MYO7B: variants seen among roughly 807,000 people sequenced by gnomAD.
MYO7B encodes myosin VIIB, also known as unconventional myosin-VIIb.
MYO7B carries 212 observed loss-of-function variants against 259.7 expected under a neutral mutation model. The observed-to-expected ratio is 0.82, with a 90% CI of 0.73 to 0.91. MYO7B has a LOEUF of 0.91. Ranked by LOEUF, MYO7B falls within the 40% of genes least tolerant of loss-of-function variation. The pLI, the probability that MYO7B is intolerant of heterozygous loss-of-function variation, is 0.00. For synonymous variants in MYO7B, 1,197 were observed against 1,166.4 expected (o/e 1.03, Z -0.54); for missense variants, 2,732 against 2,813.5 (o/e 0.97, Z 0.66).
At position 127,566,700 on chromosome 2, in the gene MYO7B, AC is replaced by A. The variant is rs1383681728; in HGVS notation, c.346del (p.Leu116TrpfsTer30). The A allele has an allele frequency of 1.2e-6, 2 of 1,608,528 alleles. No homozygotes were observed. The highest frequency in any genetic ancestry group is 2.7e-5 in the African/African-American group (2 of 74,876). ...CCCGTTCCAGGTGCTGCCGCTCTAC[AC>A]CCTGGAGCAGGTACAGCTCTACTAC... ...VNPFQVLPLYTLEQVQLYYSR... is the reference protein window; with the variant it reads ...VNPFQVLPLYXLEQVQLYYSR... On this transcript the variant is annotated frameshift_variant, in exon 5 of 48. Coordinates refer to ENST00000409816, the MANE Select transcript of MYO7B (RefSeq NM_001393586.1). LOFTEE classifies it high-confidence loss of function.
chr2:127,637,038 C>T (rs1009682238), intron 47 of MYO7B, 125 bp downstream of exon 47: 4 of 1,484,300 alleles, frequency 2.7e-6, no homozygotes, highest in Admixed American at 2.0e-5. Context: ...CAGGCGGGGC[C>T]AGCAGATCTG....
intron 19 of MYO7B, among the ~76,000 whole-genome samples, chr2:127,604,424 T>G (rs1015110049): frequency 6.6e-6 from 1 of 152,242 alleles, no homozygotes; most frequent in African/African-American, 2.4e-5. Context: ...TGGTTTGATC[T>G]TCTATCCAGT....
chr2:127,629,954 C>T (rs1004011777), intron 35 of MYO7B, 128 bp downstream of exon 35: 79 of 998,522 alleles, frequency 7.9e-5, no homozygotes, highest in East Asian at 5.8e-4. Flanking sequence ...GAGGGCCACC[C>T]GGGCAGCCCC....
At chr2:127,589,038 G>T (rs945754195) in intron 15 of MYO7B, among the ~76,000 whole-genome samples, 3 of 147,948 alleles carry the variant, frequency 2.0e-5, no homozygotes, top group Non-Finnish European at 3.0e-5. Context: ...TGGATGGATG[G>T]GTGGGTGAGT....
At chr2:127,626,207 A>T (rs962400818) in intron 31 of MYO7B, 3 of 152,430 alleles carry the variant, frequency 2.0e-5, no homozygotes, top group African/African-American at 4.8e-5. Context: ...GAAGACAAGG[A>T]GCTAGAGGTG....
At position 127,569,350 on chromosome 2, in the gene MYO7B, A is replaced by G. The variant is rs531004894; in HGVS notation, c.471-439A>G. 3.9e-5 allele frequency among the ~76,000 whole-genome samples: 6 copies of G among 152,338 alleles called. No individual in the cohort carries two copies. In the South Asian group the frequency reaches 1.2e-3, roughly 32 times the overall value. On this transcript the variant is annotated intron_variant, in intron 5 of 47. Coordinates refer to ENST00000409816, the MANE Select transcript of MYO7B (RefSeq NM_001393586.1). ...TGTGGGAGTCTGTTTTGCAAACTCC[A>G]AAGTGCAGGAATCCTCTGGGGATCT...
At chr2:127,612,785 A>T (rs1680437686) in intron 26 of MYO7B, among the ~76,000 whole-genome samples, 182 bp downstream of exon 26, 1 of 152,212 alleles carries the variant, frequency 6.6e-6, no homozygotes, top group South Asian at 2.1e-4. Context: ...TCTGCCTTTT[A>T]AAAAAGCCAT....
chr2:127,622,863 A>AG (rs1052739037), intron 28 of MYO7B, among the ~76,000 whole-genome samples: 1 of 152,230 alleles, frequency 6.6e-6, no homozygotes, highest in African/African-American at 2.4e-5. Flanking sequence ...GTCTTCTGTG[A>AG]GGTGAAGTCA....
chr2:127,559,845 A>G lies in MYO7B; in HGVS notation c.18+105A>G. On this transcript the variant is annotated intron_variant, in intron 2 of 47. Coordinates refer to ENST00000409816, the MANE Select transcript of MYO7B (RefSeq NM_001393586.1). This position sits in a 1 kb window ranked among gnomAD's most constrained non-coding sequence, Gnocchi z 4.1. ...AGGAAAGGCAATGAGACCCTATAGG[A>G]AAATACCAGAGACAGGGGAGTTTAG... is the stretch of plus-strand genomic sequence containing the variant. 3 of 1,311,722 alleles carry G rather than the reference A, an allele frequency of 2.3e-6. No individual in the cohort carries two copies. The highest frequency in any genetic ancestry group is 3.3e-6 in the Non-Finnish European group (3 of 905,954). The allele number at this position is 1,311,722 out of a possible 1,614,324, so 81.3% of individuals were successfully genotyped here.
At position 127,613,847 on chromosome 2, in the gene MYO7B, G is replaced by A. The variant is rs1414929881; in HGVS notation, c.3398+1244G>A. On this transcript the variant is annotated intron_variant, in intron 26 of 47. Transcript: ENST00000409816. The surrounding 1 kb of genome is among the most constrained non-coding windows in gnomAD (Gnocchi z 4.3). The stretch of plus-strand genomic sequence containing the variant: ...GCCTTGGCTAGAGTACCTGGAGTCT[G>A]CCCCACCATGTGTGTCAGGGGGCAA... Among the ~76,000 whole-genome samples the A allele has an allele frequency of 6.6e-6, 1 of 152,192 alleles. No individual in the cohort carries two copies.
At chr2:127,572,567 CCTTT>C (rs1186391888) in intron 6 of MYO7B, among the ~76,000 whole-genome samples, 8 of 148,352 alleles carry the variant, frequency 5.4e-5, no homozygotes, top group Non-Finnish European at 1.0e-4. Context: ...CTCCTTCCTT[CCTTT>C]CTTTTTCTCC....
intron 19 of MYO7B, among the ~76,000 whole-genome samples, chr2:127,601,336 T>C (rs1337906491): frequency 2.0e-5 from 3 of 152,236 alleles, no homozygotes; most frequent in African/African-American, 7.2e-5. Context: ...AATTAGATCT[T>C]GTTGGTTGAT....
At position 127,626,767 on chromosome 2, in the gene MYO7B, A is replaced by G. The variant is rs575366441; in HGVS notation, c.4216-208A>G. On this transcript the variant is annotated intron_variant, in intron 31 of 47. Coordinates refer to ENST00000409816, the MANE Select transcript of MYO7B (RefSeq NM_001393586.1). Reference sequence around the variant, plus strand: ...GCACTCCAGCCTGGGTGACAGAGCGAGACTCTGTCTCAAAAAAGAAAAAAA... The same window carrying G: ...GCACTCCAGCCTGGGTGACAGAGCGGGACTCTGTCTCAAAAAAGAAAAAAA... 3 of 525,308 alleles carry G rather than the reference A, an allele frequency of 5.7e-6. No homozygotes were observed. In the South Asian group the frequency reaches 6.5e-5, roughly 11 times the overall value. 32.5% of individuals were successfully genotyped at this position (525,308 alleles called of 1,614,324 possible). A position where few individuals can be genotyped will look rare whatever the true frequency, so the allele number is the denominator to read the frequency against.
chr2:127,556,686 T>C (rs1267158740), intron 1 of MYO7B, among the ~76,000 whole-genome samples: 1 of 152,214 alleles, frequency 6.6e-6, no homozygotes, highest in Non-Finnish European at 1.5e-5. Flanking sequence ...GGCTGATAAT[T>C]GTTTTGTTTA....
chr2:127,622,240 C>T, intron 28 of MYO7B, 139 bp downstream of exon 28: 1 of 1,228,296 alleles, frequency 8.1e-7, no homozygotes, highest in Non-Finnish European at 1.1e-6. Flanking sequence ...CAGTACCTCC[C>T]ATGCCAGTGG....
rs1226207790 is a variant in MYO7B at position 127,624,074 on chromosome 2, T to C, written c.3820-19T>C. 1.9e-6 allele frequency: 3 copies of C among 1,543,664 alleles called. No homozygotes were observed. The South Asian group carries it at 3.6e-5, about 18-fold the overall frequency. ...GCATGCAACAGCCGCTAACCCCTGC[T>C]CCCCGACTCTGGCCTCAGTTCTGGT... On this transcript the variant is annotated intron_variant, in intron 29 of 47. Transcript: ENST00000409816.
rs191351732 is a variant in MYO7B at position 127,562,225 on chromosome 2, A to G, written c.19-1928A>G. 2.9e-4 allele frequency among the ~76,000 whole-genome samples: 44 copies of G among 152,300 alleles called. 1 individual carries two copies. The Middle Eastern group carries it at 0.017, about 59-fold the overall frequency. On this transcript the variant is annotated intron_variant, in intron 2 of 47. Transcript: ENST00000409816. ...ATTCTGGAGGGACACAATTCAGTCC[A>G]TATAATGAGGTTTACTTGTATTTTT...
Position 127,627,100 on chromosome 2 carries a change from C to A in MYO7B, c.4333+8C>A, listed in dbSNP as rs372007640. 131 of 1,609,058 alleles carry A rather than the reference C, an allele frequency of 8.1e-5. No individual in the cohort carries two copies. The African/African-American group carries it at 1.5e-3, about 18-fold the overall frequency. On this transcript the variant is annotated splice_region_variant and intron_variant, in intron 32 of 47. Coordinates refer to ENST00000409816, the MANE Select transcript of MYO7B (RefSeq NM_001393586.1). The surrounding 1 kb of genome is among the most constrained non-coding windows in gnomAD (Gnocchi z 5.6). ...AAGTCATCACACTCTCAGGTAATGGCATCTGACAGGGGGCAGGGAGCAGGT... is the reference window on the plus strand; with the variant it reads ...AAGTCATCACACTCTCAGGTAATGGAATCTGACAGGGGGCAGGGAGCAGGT...
Position 127,609,964 on chromosome 2 carries a change from C to T in MYO7B, c.3140C>T (p.Thr1047Met), listed in dbSNP as rs746097579. 3.8e-5 allele frequency: 61 copies of T among 1,607,674 alleles called. No homozygotes were observed. Among genetic ancestry groups the T allele is most frequent in the Middle Eastern group, 3.3e-4 (2 of 6,056 alleles). ...GSSVMRQIHD[T>M]LGREHGAQVP... ...TCAGTGATGCGGCAGATCCATGACACGCTGGGCAGGGAGCACGGTGCCCAG... is the reference window on the plus strand; with the variant it reads ...TCAGTGATGCGGCAGATCCATGACATGCTGGGCAGGGAGCACGGTGCCCAG... The change falls in exon 24 of 48, where the codon ACG becomes ATG. Residue 1047 changes from threonine (T) to methionine (M), a missense_variant. This residue lies in a region of MYO7B where 1,906 missense variants were observed against 2,026.4 expected (regional missense o/e 0.94). Coordinates refer to ENST00000409816, the MANE Select transcript of MYO7B (RefSeq NM_001393586.1). This position sits in a 1 kb window ranked among gnomAD's most constrained non-coding sequence, Gnocchi z 6.9.
Sources: allele counts gnomAD v4.1 joint callset (sites outside exome capture counted in the v4.1 genomes callset), GRCh38; gene constraint gnomAD v4.1.1; regional missense constraint gnomAD v4.1.1; non-coding constraint Gnocchi (gnomAD v3.1); transcripts MANE v1.5; gene names NCBI Gene and HGNC (gene_info 2026-07-23, HGNC 2026-07-21).